Variants in P3H2 observed in about 807,000 individuals in gnomAD.
P3H2 encodes prolyl 3-hydroxylase 2.
P3H2 carries 80 observed loss-of-function variants against 87.0 expected under a neutral mutation model. The observed-to-expected ratio is 0.92, with a 90% CI of 0.77 to 1.11. P3H2 has a LOEUF of 1.11. P3H2 is among the 50% of genes least tolerant of loss of function. The probability of loss-of-function intolerance (pLI) is 0.00; values close to 1 mark genes in which losing one functional copy is unlikely to be tolerated. For synonymous variants in P3H2, 367 were observed against 359.3 expected (o/e 1.02, Z -0.24); for missense variants, 1,001 against 923.9 (o/e 1.08, Z -1.08).
intron 1 of P3H2, among the ~76,000 whole-genome samples, chr3:190,075,647 C>T (rs1380896004): frequency 1.3e-5 from 2 of 151,858 alleles, no homozygotes; most frequent in Non-Finnish European, 2.9e-5. Context: ...TGGAGAAGTG[C>T]CTTGAAAACA....
intron 1 of P3H2, among the ~76,000 whole-genome samples, chr3:190,114,270 G>A (rs538129395): frequency 6.5e-4 from 96 of 148,156 alleles, no homozygotes; most frequent in South Asian, 5.2e-3. Context: ...TGCAAGCTCC[G>A]CCTCCCGGGT....
chr3:189,989,586 ACT>A lies in P3H2; in HGVS notation c.824-550_824-549del, dbSNP rs559987486. ...AAATTGTCCTAAAAGAGAAATAAAA[ACT>A]CTTTTTTTTTAAACCTATTGGTCAG... On this transcript the variant is annotated intron_variant, in intron 3 of 14. Coordinates refer to ENST00000319332, the MANE Select transcript of P3H2 (RefSeq NM_018192.4). Among the ~76,000 whole-genome samples, 9 of 151,748 alleles carry A rather than the reference ACT, an allele frequency of 5.9e-5. No homozygotes were observed. The South Asian group carries it at 1.9e-3, about 32-fold the overall frequency.
At chr3:190,022,793 TTAAG>T (rs765649684) in intron 1 of P3H2, among the ~76,000 whole-genome samples, 3 of 152,078 alleles carry the variant, frequency 2.0e-5, no homozygotes, top group Non-Finnish European at 4.4e-5. Flanking sequence ...AAGTTTCCGA[TTAAG>T]TAAGTCCAAT....
chr3:190,115,100 T>C (rs796084701), intron 1 of P3H2, among the ~76,000 whole-genome samples: 12 of 152,280 alleles, frequency 7.9e-5, no homozygotes, highest in African/African-American at 2.9e-4. Context: ...TAAAGGAAGT[T>C]CCAAGAGGAC....
At chr3:190,044,603 T>C (rs1476682287) in intron 1 of P3H2, among the ~76,000 whole-genome samples, 2 of 152,222 alleles carry the variant, frequency 1.3e-5, no homozygotes, top group Non-Finnish European at 2.9e-5. Context: ...TATCATACAC[T>C]ATACACTAAC....
intron 1 of P3H2, among the ~76,000 whole-genome samples, chr3:189,999,578 T>C (rs1724149033): frequency 6.6e-6 from 1 of 152,170 alleles, no homozygotes; most frequent in Non-Finnish European, 1.5e-5. Context: ...AGGAAGGACC[T>C]ACCCACTCCT....
At chr3:189,964,454 G>A (rs1410378287) in intron 13 of P3H2, among the ~76,000 whole-genome samples, 1 of 152,178 alleles carries the variant, frequency 6.6e-6, no homozygotes, top group African/African-American at 2.4e-5. Flanking sequence ...AAAGCATCCG[G>A]ATACAAGGTA....
chr3:190,101,922 A>G (rs541829067), intron 1 of P3H2, among the ~76,000 whole-genome samples: 3 of 152,292 alleles, frequency 2.0e-5, no homozygotes, highest in East Asian at 1.9e-4. Flanking sequence ...CTTGAAGCCA[A>G]TGTTCATTTA....
intron 8 of P3H2, 121 bp downstream of exon 8, chr3:189,982,925 A>C (rs1362720847): frequency 1.3e-6 from 1 of 775,372 alleles, no homozygotes; most frequent in African/African-American, 1.7e-5. Flanking sequence ...GGAGTGTAGT[A>C]GCTTAGTCTT....
chr3:190,119,506 C>T (rs79583415), intron 1 of P3H2, among the ~76,000 whole-genome samples: 1,550 of 152,196 alleles, frequency 0.01, 21 homozygotes, highest in African/African-American at 0.036. Flanking sequence ...TACCTCCTGA[C>T]GCTAACTTTA....
intron 1 of P3H2, among the ~76,000 whole-genome samples, chr3:190,085,436 T>C (rs1437792981): frequency 6.6e-6 from 1 of 152,254 alleles, no homozygotes; most frequent in Non-Finnish European, 1.5e-5. Flanking sequence ...AATAGAAATG[T>C]TGCCAAAGCA....
At chr3:190,097,550 C>T (rs543223502) in intron 1 of P3H2, among the ~76,000 whole-genome samples, 74 of 152,110 alleles carry the variant, frequency 4.9e-4, no homozygotes, top group African/African-American at 1.8e-3. Context: ...CTCACAGGTA[C>T]ATATTCCCCT....
intron 1 of P3H2, among the ~76,000 whole-genome samples, chr3:190,062,438 T>C (rs1726359340): frequency 6.6e-6 from 1 of 152,138 alleles, no homozygotes. Flanking sequence ...AAATTCAAAT[T>C]GAATAAAGAA....
At chr3:190,014,923 C>T (rs1312126968) in intron 1 of P3H2, among the ~76,000 whole-genome samples, 1 of 152,148 alleles carries the variant, frequency 6.6e-6, no homozygotes, top group Non-Finnish European at 1.5e-5. Context: ...CTGCTGGCAA[C>T]CTGTCGAGTG....
intron 1 of P3H2, among the ~76,000 whole-genome samples, chr3:190,049,079 G>A (rs1725893064): frequency 6.6e-6 from 1 of 152,150 alleles, no homozygotes; most frequent in African/African-American, 2.4e-5. Context: ...TGCCAAAGTA[G>A]TAGTTTTCTA....
intron 1 of P3H2, among the ~76,000 whole-genome samples, chr3:190,105,924 G>A (rs1711815274): frequency 6.6e-6 from 1 of 152,130 alleles, no homozygotes; most frequent in South Asian, 2.1e-4. Flanking sequence ...TACTTTTTGT[G>A]AGCTACTCTC....
In P3H2 at chr3:190,078,391, C is replaced by T. The variant is rs140511516; in HGVS notation, c.480+41861G>A. 2.6e-5 allele frequency among the ~76,000 whole-genome samples: 4 copies of T among 152,236 alleles called. No individual in the cohort carries two copies. In the East Asian group the frequency reaches 5.8e-4, roughly 22 times the overall value. ...GCATTTATGATGAATTTAATTAAAACTTACAGGTTACTATTAAACAAGAAA... is the reference window on the plus strand; with the variant it reads ...GCATTTATGATGAATTTAATTAAAATTTACAGGTTACTATTAAACAAGAAA... On this transcript the variant is annotated intron_variant, in intron 1 of 14. Coordinates refer to ENST00000319332, the MANE Select transcript of P3H2 (RefSeq NM_018192.4).
chr3:189,972,684 T>C (rs1312707920), intron 11 of P3H2, among the ~76,000 whole-genome samples, 190 bp downstream of exon 11: 1 of 152,196 alleles, frequency 6.6e-6, no homozygotes, highest in Admixed American at 6.5e-5. Flanking sequence ...ACGAGGGTTT[T>C]CTGGAACTTC....
intron 1 of P3H2, among the ~76,000 whole-genome samples, chr3:190,075,041 A>C (rs980063263): frequency 6.6e-6 from 1 of 152,064 alleles, no homozygotes; most frequent in African/African-American, 2.4e-5. Flanking sequence ...TCATTCATCC[A>C]CTCCACTCAC....
Sources: gnomAD v4.1 joint callset for allele counts (sites outside exome capture counted in the v4.1 genomes callset) on GRCh38, gnomAD v4.1.1 for gene constraint, MANE v1.5 for transcripts, NCBI Gene and HGNC (gene_info 2026-07-23, HGNC 2026-07-21) for gene names.